CRLF1: variants seen among roughly 807,000 people sequenced by gnomAD.
CRLF1 encodes cytokine receptor-like factor 1.
CRLF1 carries 36 observed loss-of-function variants against 48.9 expected under a neutral mutation model. The observed-to-expected ratio is 0.74, with a 90% confidence interval of 0.56 to 0.97. The LOEUF is 0.97. Ranked by LOEUF, CRLF1 falls within the 50% of genes least tolerant of loss-of-function variation. CRLF1 has a pLI of 0.00. For synonymous variants in CRLF1, 256 were observed against 253.4 expected (o/e 1.01, Z -0.10); for missense variants, 534 against 575.1 (o/e 0.93, Z 0.73).
chr19:18,606,216 C>T lies in CRLF1; in HGVS notation c.115+326G>A, dbSNP rs1976293386. ...TGCAGTCCCAGGGGCCCAGAGTCCA[C>T]CGAAGCAGACGCGTGCGCCCGCCAC... On this transcript the variant is annotated intron_variant, in intron 1 of 8. Transcript: ENST00000392386. This position sits in a 1 kb window ranked among gnomAD's most constrained non-coding sequence, Gnocchi z 4.8. Among the ~76,000 whole-genome samples the T allele has an allele frequency of 6.6e-6, 1 of 151,740 alleles. No homozygotes were observed. The highest frequency in any genetic ancestry group is 6.6e-5 in the Admixed American group (1 of 15,260).
chr19:18,594,565 G>T (rs1976105177), intron 6 of CRLF1, 131 bp from the exon 7 acceptor site: 5 of 673,110 alleles, frequency 7.4e-6, no homozygotes, highest in Admixed American at 4.6e-5. Flanking sequence ...CTCAAGGACC[G>T]AGTCCTCCCC....
At position 18,598,516 on chromosome 19, in the gene CRLF1, TAAAG is replaced by T. The variant is rs1370605715; in HGVS notation, c.609_612del (p.Phe204ArgfsTer29). ...GCCTCCACCCAGATCTCATAGGGCG[TAAAG>T]AGAGCCAGGTCCTTGGGGATGTGGC... On this transcript the variant is annotated frameshift_variant, in exon 4 of 9. Transcript: ENST00000392386. LOFTEE classifies it high-confidence loss of function. The T allele has an allele frequency of 6.2e-7, 1 of 1,613,598 alleles. No homozygotes were observed. The highest frequency in any genetic ancestry group is 1.3e-5 in the African/African-American group (1 of 74,742).
chr19:18,596,654 C>T lies in CRLF1; in HGVS notation c.992G>A (p.Ser331Asn), dbSNP rs1238755798. The part of the protein sequence containing the change: ...SKKAGIWSEW[S>N]HPTAASTPRS... ...GGGAGTGGAGGCGGCTGTGGGGTGGCTCCACTCACTCCAGATCCCGGCTTT... is the reference window on the plus strand; with the variant it reads ...GGGAGTGGAGGCGGCTGTGGGGTGGTTCCACTCACTCCAGATCCCGGCTTT... The change falls in exon 6 of 9, where the codon AGC (serine) becomes AAC (asparagine). Residue 331 changes from serine to asparagine, a missense_variant. Ser to Asn is a conservative substitution (Grantham distance 46, BLOSUM62 1). Around this residue, in one of 2 missense-constraint regions of CRLF1, gnomAD observed 528 missense variants for 555.7 expected, o/e 0.95. Transcript: ENST00000392386. The T allele has an allele frequency of 6.2e-7, 1 of 1,613,804 alleles. No homozygotes were observed. Among genetic ancestry groups the T allele is most frequent in the Admixed American group, 1.7e-5 (1 of 60,012 alleles).
Position 18,599,859 on chromosome 19 carries a change from A to G in CRLF1, c.116-13T>C. The G allele has an allele frequency of 6.6e-7, 1 of 1,512,676 alleles. No homozygotes were observed. The highest frequency in any genetic ancestry group is 1.3e-5 in the South Asian group (1 of 74,290). 93.7% of individuals were successfully genotyped at this position (1,512,676 alleles called of 1,614,324 possible). A position where few individuals can be genotyped will look rare whatever the true frequency, so the allele number is the denominator to read the frequency against. ...ATCACAGCTGTGTCTGGGGTCAAAG[A>G]GGAACACGTGTCAGGCCAGGGCGGG... On this transcript the variant is annotated splice_polypyrimidine_tract_variant and intron_variant, in intron 1 of 8. Transcript: ENST00000392386.
At position 18,599,793 on chromosome 19, in the gene CRLF1, G is replaced by A. The variant is rs763035784; in HGVS notation, c.169C>T (p.Leu57=). 62 of 1,577,848 alleles carry A rather than the reference G, an allele frequency of 3.9e-5. No individual in the cohort carries two copies. The highest frequency in any genetic ancestry group is 5.0e-5 in the Non-Finnish European group (58 of 1,158,922). The change falls in exon 2 of 9, where the codon CTG becomes TTG. Residue 57 remains leucine (L), a synonymous_variant. Coordinates refer to ENST00000392386, the MANE Select transcript of CRLF1 (RefSeq NM_004750.5). ...DPTLLIGSSL[L]ATCSVHGDPP... ...TCTCCGTGCACTGAGCAGGTGGCCA[G>A]CAGGGAGGAGCCGATGAGAAGCGTG...
In CRLF1 at chr19:18,594,386, G is replaced by C. The variant is rs966358574; in HGVS notation, c.1073C>G (p.Pro358Arg). ...GGACEPRGGE[P>R]SSGPVRRELK... ...CTCGCGCCGCACCGGCCCCGAGCTC[G>C]GCTCTCCGCCCCGCGGTTCGCACGC... Residue 358 changes from proline to arginine, a missense_variant, in exon 7 of 9, where the codon CCG becomes CGG. By Grantham distance (103) the Pro-to-Arg change is moderately radical (BLOSUM62 -2). Coordinates refer to ENST00000392386, the MANE Select transcript of CRLF1 (RefSeq NM_004750.5). 3.8e-6 allele frequency: 6 copies of C among 1,594,780 alleles called. No homozygotes were observed. Among genetic ancestry groups the C allele is most frequent in the East Asian group, 4.6e-5 (2 of 43,860 alleles).
chr19:18,598,741 A>T lies in CRLF1; in HGVS notation c.527+31T>A, dbSNP rs562667173. 13 of 1,613,920 alleles carry T rather than the reference A, an allele frequency of 8.1e-6. No homozygotes were observed. The Admixed American group carries it at 2.2e-4, about 27-fold the overall frequency. Reference sequence around the variant, plus strand: ...GTCAAGGTCACGCAGCCAGCCTGGGACACACACATCGCCCTCAGGCCACCA... The same window carrying T: ...GTCAAGGTCACGCAGCCAGCCTGGGTCACACACATCGCCCTCAGGCCACCA... On this transcript the variant is annotated intron_variant, in intron 3 of 8. Transcript: ENST00000392386.
intron 1 of CRLF1, among the ~76,000 whole-genome samples, chr19:18,601,955 T>A (rs1202476387): frequency 6.6e-6 from 1 of 152,144 alleles, no homozygotes; most frequent in Non-Finnish European, 1.5e-5. Flanking sequence ...CCAACTCCCA[T>A]CCAAAGGGAC....
At chr19:18,597,578 C>T (rs890930032) in intron 4 of CRLF1, among the ~76,000 whole-genome samples, 1 of 151,784 alleles carries the variant, frequency 6.6e-6, no homozygotes, top group Non-Finnish European at 1.5e-5. Context: ...TACAGGCGCC[C>T]GCCACTACGC....
rs770320771 is a variant in CRLF1 at position 18,599,687 on chromosome 19, T to C, written c.275A>G (p.Asn92Ser). 8 of 1,612,726 alleles carry C rather than the reference T, an allele frequency of 5.0e-6. No individual in the cohort carries two copies. Among genetic ancestry groups the C allele is most frequent in the African/African-American group, 1.3e-5 (1 of 75,032 alleles). ...RLPPELSRVL[N>S]ASTLALALAN... ...CAGGGCCAGAGCCAAGGTGGAGGCGTTGAGTACACGGGAGAGCTCAGGGGG... is the reference window on the plus strand; with the variant it reads ...CAGGGCCAGAGCCAAGGTGGAGGCGCTGAGTACACGGGAGAGCTCAGGGGG... Residue 92 changes from asparagine to serine, a missense_variant, in exon 2 of 9, where the codon AAC (asparagine) becomes AGC (serine). This residue lies in a region of CRLF1 where 528 missense variants were observed against 555.7 expected (regional missense o/e 0.95). Coordinates refer to ENST00000392386, the MANE Select transcript of CRLF1 (RefSeq NM_004750.5).
intron 6 of CRLF1, among the ~76,000 whole-genome samples, chr19:18,594,656 C>T (rs377168692): frequency 6.6e-6 from 1 of 151,822 alleles, no homozygotes; most frequent in South Asian, 2.1e-4. Flanking sequence ...AAGGAAGGGG[C>T]TCCTCCTCCA....
rs1349120968 is a variant in CRLF1, at chr19:18,606,285, C to T, written c.115+257G>A. Among the ~76,000 whole-genome samples, 1 of 151,822 alleles carries T rather than the reference C, an allele frequency of 6.6e-6. No homozygotes were observed. Among genetic ancestry groups the T allele is most frequent in the East Asian group, 1.9e-4 (1 of 5,154 alleles). On this transcript the variant is annotated intron_variant, in intron 1 of 8. Coordinates refer to ENST00000392386, the MANE Select transcript of CRLF1 (RefSeq NM_004750.5). This position sits in a 1 kb window ranked among gnomAD's most constrained non-coding sequence, Gnocchi z 4.8. Reference sequence around the variant, plus strand: ...TCTCAGGCCGCGATCCCCCCAGCCCCCGGGGGCCTGGCCTGGCGCCCTCGG... The same window carrying T: ...TCTCAGGCCGCGATCCCCCCAGCCCTCGGGGGCCTGGCCTGGCGCCCTCGG...
intron 4 of CRLF1, among the ~76,000 whole-genome samples, chr19:18,598,136 C>T (rs1475704587): frequency 6.6e-6 from 1 of 152,190 alleles, no homozygotes; most frequent in Non-Finnish European, 1.5e-5. Context: ...CGCCCCCTCC[C>T]CTCTCCCCAG....
chr19:18,596,277 A>C lies in CRLF1; in HGVS notation c.1024+345T>G, dbSNP rs561033699. On this transcript the variant is annotated intron_variant, in intron 6 of 8. Coordinates refer to ENST00000392386, the MANE Select transcript of CRLF1 (RefSeq NM_004750.5). ...AAACAGGCTGGGCATGGTGTCTCAC[A>C]CCTGTAATCCCAGCACTTTGGGAGG... 6.1e-4 allele frequency among the ~76,000 whole-genome samples: 93 copies of C among 152,228 alleles called. 4 individuals are homozygous for C. The highest frequency in any genetic ancestry group is 2.0e-3 in the African/African-American group (85 of 41,546).
intron 1 of CRLF1, among the ~76,000 whole-genome samples, chr19:18,600,407 C>T (rs12976398): frequency 0.29 from 40,963 of 139,442 alleles, 7,161 homozygotes; most frequent in Non-Finnish European, 0.35. Context: ...CTTGCTCTGT[C>T]GCCCAGGCTG....
At chr19:18,599,416 G>T in intron 2 of CRLF1, 149 bp downstream of exon 2, 1 of 1,190,584 alleles carries the variant, frequency 8.4e-7, no homozygotes, top group Non-Finnish European at 1.2e-6. Context: ...GGGTCTCCAG[G>T]TTCTCATTCC....
chr19:18,593,443 G>T lies in CRLF1; in HGVS notation c.*123C>A. On this transcript the variant is annotated 3_prime_UTR_variant, in exon 9 of 9. Transcript: ENST00000392386. ...CTGTTATGGCCGTTGGAGCTCAGGG[G>T]CCACCCCAGCTCCTGCTGAGGGTGG... is the stretch of plus-strand genomic sequence containing the variant. 1.4e-6 allele frequency: 2 copies of T among 1,416,318 alleles called. No individual in the cohort carries two copies. Among genetic ancestry groups the T allele is most frequent in the Non-Finnish European group, 1.9e-6 (2 of 1,032,960 alleles). The allele number at this position is 1,416,318 out of a possible 1,614,324, so 87.7% of individuals were successfully genotyped here.
At chr19:18,595,233 C>T (rs903818786) in intron 6 of CRLF1, among the ~76,000 whole-genome samples, 1 of 152,250 alleles carries the variant, frequency 6.6e-6, no homozygotes, top group South Asian at 2.1e-4. Flanking sequence ...CCTCCCCAGC[C>T]TCCCCTGCGG....
At chr19:18,599,973 G>A (rs767379680) in intron 1 of CRLF1, 127 bp from the exon 2 acceptor site, 3 of 1,055,356 alleles carry the variant, frequency 2.8e-6, no homozygotes, top group Non-Finnish European at 3.9e-6. Context: ...CCATTTTACA[G>A]ATAGGGAAGG....
Sources: allele counts gnomAD v4.1 joint callset (sites outside exome capture counted in the v4.1 genomes callset), GRCh38; gene constraint gnomAD v4.1.1; regional missense constraint gnomAD v4.1.1; non-coding constraint Gnocchi (gnomAD v3.1); transcripts MANE v1.5; gene names NCBI Gene and HGNC (gene_info 2026-07-23, HGNC 2026-07-21).